Variants in CCDC141 observed in about 807,000 individuals in gnomAD.
CCDC141 encodes the protein coiled-coil domain containing 141.
Under a neutral mutation model 181.0 loss-of-function variants are expected in CCDC141, and 168 were observed. That is an observed-to-expected ratio of 0.93 (90% CI 0.82 to 1.05). CCDC141 has a LOEUF of 1.05. Among genes scored for constraint, CCDC141 ranks in the 50% least tolerant of loss-of-function variants. The probability of loss-of-function intolerance (pLI) is 0.00; values close to 1 mark genes in which losing one functional copy is unlikely to be tolerated. For missense variants in CCDC141, 1,902 were observed against 1,788.5 expected, an observed-to-expected ratio of 1.06 and a Z score of -1.14; for synonymous variants, 666 against 642.3, an observed-to-expected ratio of 1.04 and a Z score of -0.56.
intron 7 of CCDC141, among the ~76,000 whole-genome samples, chr2:178,913,823 C>T (rs945213313): frequency 2.0e-5 from 3 of 152,174 alleles, no homozygotes; most frequent in African/African-American, 7.2e-5. Context: ...GATTTGGCCT[C>T]AGTTTCCTCT....
chr2:179,047,145 A>G, intron 2 of CCDC141, 139 bp downstream of exon 2: 1 of 603,876 alleles, frequency 1.7e-6, no homozygotes, highest in Non-Finnish European at 2.5e-6. Flanking sequence ...TTCATAAATA[A>G]CTACTGATTT....
intron 2 of CCDC141, among the ~76,000 whole-genome samples, chr2:179,033,331 T>A (rs1042828138): frequency 2.0e-5 from 3 of 152,106 alleles, no homozygotes; most frequent in African/African-American, 7.2e-5. Context: ...CATCTATAGA[T>A]GATTTAAAGT....
At chr2:178,943,389 G>A (rs969511035) in intron 6 of CCDC141, among the ~76,000 whole-genome samples, 3 of 152,096 alleles carry the variant, frequency 2.0e-5, no homozygotes, top group African/African-American at 7.2e-5. Context: ...ACAAGACACT[G>A]GAGTGTTCAA....
At chr2:178,867,114 T>G (rs1177303807) in intron 16 of CCDC141, among the ~76,000 whole-genome samples, 1 of 152,224 alleles carries the variant, frequency 6.6e-6, no homozygotes, top group African/African-American at 2.4e-5. Context: ...GACAGTGGCA[T>G]CAAACAAATC....
chr2:178,924,203 T>C (rs887990784), intron 6 of CCDC141, among the ~76,000 whole-genome samples: 12 of 152,268 alleles, frequency 7.9e-5, no homozygotes, highest in African/African-American at 2.9e-4. Context: ...GGGAATATAT[T>C]TGAAAACTAC....
chr2:179,003,468 T>A (rs1204982580), intron 2 of CCDC141, among the ~76,000 whole-genome samples: 2 of 152,228 alleles, frequency 1.3e-5, no homozygotes, highest in Non-Finnish European at 2.9e-5. Flanking sequence ...AACTATCTTA[T>A]AAGATTTTGT....
chr2:179,044,427 T>C (rs2043418564), intron 2 of CCDC141, among the ~76,000 whole-genome samples: 1 of 152,178 alleles, frequency 6.6e-6, no homozygotes, highest in Admixed American at 6.6e-5. Context: ...AACCCTTTTC[T>C]AGCTAAGCTA....
chr2:178,988,226 A>C (rs958181081), intron 2 of CCDC141, among the ~76,000 whole-genome samples: 1 of 150,916 alleles, frequency 6.6e-6, no homozygotes, highest in East Asian at 2.0e-4. Flanking sequence ...AGAACAAAAA[A>C]CCAAACACCG....
intron 19 of CCDC141, among the ~76,000 whole-genome samples, chr2:178,854,352 AT>A (rs1685292423): frequency 6.6e-6 from 1 of 151,946 alleles, no homozygotes; most frequent in Admixed American, 6.6e-5. Context: ...GTGAAACCCC[AT>A]CTCTACTAAA....
intron 11 of CCDC141, among the ~76,000 whole-genome samples, chr2:178,883,156 C>T (rs1042857986): frequency 1.3e-5 from 2 of 152,170 alleles, no homozygotes; most frequent in Admixed American, 6.5e-5. Flanking sequence ...AATGAAGATG[C>T]AGAAAGCAAG....
At chr2:178,900,340 G>T (rs1298048388) in intron 8 of CCDC141, among the ~76,000 whole-genome samples, 1 of 151,828 alleles carries the variant, frequency 6.6e-6, no homozygotes, top group Non-Finnish European at 1.5e-5. Context: ...GCAAAAGAGG[G>T]GAAAAGAAAA....
intron 18 of CCDC141, among the ~76,000 whole-genome samples, chr2:178,855,771 A>C (rs1685358678): frequency 6.6e-6 from 1 of 152,240 alleles, no homozygotes; most frequent in Non-Finnish European, 1.5e-5. Context: ...AGATTTTGAG[A>C]CTAGTAATAT....
At chr2:178,915,537 G>A (rs1332300477) in intron 7 of CCDC141, among the ~76,000 whole-genome samples, 1 of 152,180 alleles carries the variant, frequency 6.6e-6, no homozygotes, top group African/African-American at 2.4e-5. Flanking sequence ...GGAACAAGAA[G>A]TTGTTTGCTG....
At position 178,882,445 on chromosome 2, in the gene CCDC141, C is replaced by T. The variant is rs77807017; in HGVS notation, c.1719+2456G>A. ...ATTGCTGGAGCTAGATGCTGAAGGACGTAGGAATATTCAGGAAAGAACTAA... is the reference window on the plus strand; with the variant it reads ...ATTGCTGGAGCTAGATGCTGAAGGATGTAGGAATATTCAGGAAAGAACTAA... On this transcript the variant is annotated intron_variant, in intron 11 of 23. Transcript: ENST00000443758. Among the ~76,000 whole-genome samples the T allele has an allele frequency of 6.8e-3, 1,038 of 152,110 alleles. 10 individuals are homozygous for T. The highest frequency in any genetic ancestry group is 0.017 in the Middle Eastern group (5 of 294).
chr2:178,856,805 G>A lies in CCDC141; in HGVS notation c.2725-408C>T, dbSNP rs542861575. 9.2e-5 allele frequency among the ~76,000 whole-genome samples: 14 copies of A among 152,156 alleles called. No homozygotes were observed. In the South Asian group the frequency reaches 2.7e-3, roughly 29 times the overall value. ...TCACCATGTTGGCCAGACTGGTCTC[G>A]AACTCCTGGCCTCAAGTGATCCACC... On this transcript the variant is annotated intron_variant, in intron 17 of 23. Transcript: ENST00000443758.
chr2:178,986,671 CAACAGACA>C (rs1223339974), intron 2 of CCDC141, among the ~76,000 whole-genome samples: 2 of 151,486 alleles, frequency 1.3e-5, no homozygotes, highest in African/African-American at 4.9e-5. Flanking sequence ...TATACACCAA[CAACAGACA>C]AACAGAGAGC....
intron 5 of CCDC141, among the ~76,000 whole-genome samples, chr2:178,948,538 A>G (rs1433550728): frequency 1.3e-5 from 2 of 152,120 alleles, no homozygotes; most frequent in Non-Finnish European, 2.9e-5. Flanking sequence ...CTAAGTGGGA[A>G]TGTTGGCTGC....
At chr2:178,901,308 G>T (rs1321481867) in intron 8 of CCDC141, among the ~76,000 whole-genome samples, 1 of 152,114 alleles carries the variant, frequency 6.6e-6, no homozygotes, top group Non-Finnish European at 1.5e-5. Context: ...AACCAAAAAA[G>T]AGAATTTTAG....
intron 2 of CCDC141, among the ~76,000 whole-genome samples, chr2:179,031,846 G>A (rs1349531396): frequency 6.6e-6 from 1 of 152,038 alleles, no homozygotes; most frequent in Non-Finnish European, 1.5e-5. Context: ...TGGGTGGTTT[G>A]GGTTTCTCCA....
Sources: allele counts gnomAD v4.1 joint callset (sites outside exome capture counted in the v4.1 genomes callset), GRCh38; gene constraint gnomAD v4.1.1; transcripts MANE v1.5; gene names NCBI Gene and HGNC (gene_info 2026-07-23, HGNC 2026-07-21).